The following ADAMTSL3 variants were observed in gnomAD, a reference collection of about 807,000 sequenced individuals.
The protein encoded by ADAMTSL3 is ADAMTS-like protein 3.
Under a neutral mutation model 201.7 loss-of-function variants are expected in ADAMTSL3, and 128 were observed. The ratio of observed to expected loss-of-function variants is 0.63; its 90% CI spans 0.55 to 0.73. ADAMTSL3 has a LOEUF of 0.73. ADAMTSL3 is among the 30% of genes least tolerant of loss of function. The probability of loss-of-function intolerance (pLI) is 0.00; values close to 1 mark genes in which losing one functional copy is unlikely to be tolerated. For missense variants in ADAMTSL3, 1,990 were observed against 2,119.6 expected (o/e 0.94, Z 1.20); for synonymous variants, 738 against 748.4 (o/e 0.99, Z 0.23).
chr15:83,661,591 G>A (rs1451575919), intron 2 of ADAMTSL3, among the ~76,000 whole-genome samples: 2 of 152,066 alleles, frequency 1.3e-5, no homozygotes, highest in African/African-American at 4.8e-5. Context: ...TTTGTCTTTT[G>A]TTGGTGTATA....
chr15:83,821,553 T>C (rs2063865613), intron 6 of ADAMTSL3, among the ~76,000 whole-genome samples: 1 of 150,544 alleles, frequency 6.6e-6, no homozygotes, highest in South Asian at 2.1e-4. Context: ...GAGCACAGGG[T>C]TGGGGGTAAG....
chr15:83,768,597 A>T (rs1263919420), intron 3 of ADAMTSL3, among the ~76,000 whole-genome samples: 1 of 152,228 alleles, frequency 6.6e-6, no homozygotes, highest in Non-Finnish European at 1.5e-5. Context: ...GGAGGCCTTC[A>T]GAAAGCTTGA....
chr15:83,954,809 CT>C (rs1281271703), intron 19 of ADAMTSL3, among the ~76,000 whole-genome samples: 2 of 152,346 alleles, frequency 1.3e-5, no homozygotes, highest in East Asian at 3.9e-4. Flanking sequence ...TCTTCCTTTA[CT>C]TTCTCCCAAA....
intron 28 of ADAMTSL3, among the ~76,000 whole-genome samples, chr15:84,032,325 G>T (rs568069302): frequency 2.0e-5 from 3 of 152,318 alleles, no homozygotes; most frequent in African/African-American, 7.2e-5. Flanking sequence ...TTGACAGTTG[G>T]CTGGGTTACC....
chr15:83,841,567 G>A (rs558978251), intron 7 of ADAMTSL3, among the ~76,000 whole-genome samples: 17 of 152,164 alleles, frequency 1.1e-4, no homozygotes, highest in Admixed American at 4.6e-4. Flanking sequence ...TCCAAATAGC[G>A]TAGTAACTAG....
chr15:83,698,755 A>G (rs145024647), intron 2 of ADAMTSL3, among the ~76,000 whole-genome samples: 259 of 152,244 alleles, frequency 1.7e-3, no homozygotes, highest in African/African-American at 5.8e-3. Flanking sequence ...GGGAAGGCCC[A>G]ATTTTTCTAA....
At chr15:83,800,017 C>T (rs548205090) in intron 4 of ADAMTSL3, among the ~76,000 whole-genome samples, 1 of 151,954 alleles carries the variant, frequency 6.6e-6, no homozygotes, top group East Asian at 1.9e-4. Flanking sequence ...AAATTGTAAC[C>T]AAAGCAAGCC....
intron 23 of ADAMTSL3, among the ~76,000 whole-genome samples, chr15:83,998,250 AC>A (rs1368959202): frequency 6.6e-6 from 1 of 152,196 alleles, no homozygotes; most frequent in Non-Finnish European, 1.5e-5. Flanking sequence ...TCAGGGGTTG[AC>A]CAGCCTGGCC....
At chr15:83,662,409 T>A (rs2061181831) in intron 2 of ADAMTSL3, among the ~76,000 whole-genome samples, 1 of 111,010 alleles carries the variant, frequency 9.0e-6, no homozygotes, top group African/African-American at 3.6e-5. Context: ...AATATCACAC[T>A]CTGGGGACTG....
chr15:84,002,639 T>G (rs1478791087), intron 23 of ADAMTSL3, among the ~76,000 whole-genome samples: 1 of 152,188 alleles, frequency 6.6e-6, no homozygotes, highest in Admixed American at 6.5e-5. Flanking sequence ...ATAGATTCCA[T>G]GGAGCCTTGT....
chr15:83,743,298 G>A (rs1199192212), intron 3 of ADAMTSL3, among the ~76,000 whole-genome samples: 1 of 151,942 alleles, frequency 6.6e-6, no homozygotes, highest in Non-Finnish European at 1.5e-5. Context: ...TGGATCATGA[G>A]GTCAGGAGAT....
At chr15:83,977,497 A>T (rs2141791858) in intron 20 of ADAMTSL3, among the ~76,000 whole-genome samples, 1 of 152,338 alleles carries the variant, frequency 6.6e-6, no homozygotes, top group Non-Finnish European at 1.5e-5. Flanking sequence ...TCCAAGGAAA[A>T]GCATAGAGCA....
intron 3 of ADAMTSL3, among the ~76,000 whole-genome samples, chr15:83,714,594 C>T (rs749509556): frequency 2.6e-5 from 4 of 152,014 alleles, no homozygotes; most frequent in East Asian, 1.9e-4. Context: ...CACTTACACG[C>T]GCAGGTGAGA....
At chr15:83,863,564 A>G (rs1006778718) in intron 8 of ADAMTSL3, among the ~76,000 whole-genome samples, 3 of 152,228 alleles carry the variant, frequency 2.0e-5, no homozygotes, top group African/African-American at 7.2e-5. Flanking sequence ...CTTTGAAACC[A>G]ATGAGAACAA....
intron 6 of ADAMTSL3, among the ~76,000 whole-genome samples, chr15:83,821,965 A>C (rs1596268652): frequency 7.9e-6 from 1 of 127,180 alleles, no homozygotes; most frequent in Admixed American, 8.4e-5. Flanking sequence ...GGCGCCCCTC[A>C]CCTCCCGGAC....
At chr15:83,935,843 T>A (rs2066451132) in intron 17 of ADAMTSL3, among the ~76,000 whole-genome samples, 1 of 152,092 alleles carries the variant, frequency 6.6e-6, no homozygotes, top group Non-Finnish European at 1.5e-5. Flanking sequence ...AGTCTTATAG[T>A]AAGGTTATAT....
intron 2 of ADAMTSL3, among the ~76,000 whole-genome samples, chr15:83,662,041 A>C (rs2061173969): frequency 6.9e-6 from 1 of 144,080 alleles, no homozygotes; most frequent in Admixed American, 7.0e-5. Flanking sequence ...TAGAACTAGA[A>C]ATACCATTTG....
At chr15:83,711,041 T>C (rs545156604) in intron 3 of ADAMTSL3, among the ~76,000 whole-genome samples, 43 of 152,360 alleles carry the variant, frequency 2.8e-4, no homozygotes, top group Non-Finnish European at 2.5e-4. Flanking sequence ...ATATTAATAA[T>C]GAAGTCTGTG....
At chr15:84,022,605 C>T (rs746075998) in intron 26 of ADAMTSL3, among the ~76,000 whole-genome samples, 1 of 152,154 alleles carries the variant, frequency 6.6e-6, no homozygotes, top group Non-Finnish European at 1.5e-5. Flanking sequence ...GGACAAAGGC[C>T]AAAATTCCCA....
Sources: allele counts gnomAD v4.1 joint callset (sites outside exome capture counted in the v4.1 genomes callset), GRCh38; gene constraint gnomAD v4.1.1; transcripts MANE v1.5; gene names NCBI Gene and HGNC (gene_info 2026-07-23, HGNC 2026-07-21).